The following MYH10 variants were observed in gnomAD, a reference collection of about 807,000 sequenced individuals.
MYH10 encodes the protein myosin-10.
MYH10 carries 55 observed loss-of-function variants against 257.8 expected under a neutral mutation model. The observed-to-expected ratio is 0.21, with a 90% CI of 0.17 to 0.27. The LOEUF (loss-of-function observed/expected upper bound fraction) is 0.27. MYH10 is among the 10% of genes least tolerant of loss of function. MYH10 has a pLI of 1.00. For synonymous variants in MYH10, 854 were observed against 921.7 expected, an observed-to-expected ratio of 0.93 and a Z score of 1.33; for missense variants, 1,631 against 2,500.6, an observed-to-expected ratio of 0.65 and a Z score of 7.42.
rs1471840391 is a variant in MYH10, at chr17:8,521,123, A to C, written c.2120T>G (p.Val707Gly). ...ATLRNTNPNF[V>G]RCIIPNHEKR... is the part of the protein sequence containing the mutation. Reference sequence around the variant, plus strand: ...CTCGTGATTTGGAATGATACAACGAACAAAGTTAGGGTTGGTGTTTCGGAG... The same window carrying C: ...CTCGTGATTTGGAATGATACAACGACCAAAGTTAGGGTTGGTGTTTCGGAG... The change falls in exon 18 of 43, where the codon GTT becomes GGT. Residue 707 changes from valine (V) to glycine (G), a missense_variant. Val to Gly is a moderately radical substitution (Grantham distance 109). This residue lies in a region of MYH10 where 96 missense variants were observed against 146.2 expected (regional missense o/e 0.66). Transcript: ENST00000360416. 1 of 1,614,256 alleles carries C rather than the reference A, an allele frequency of 6.2e-7. No individual in the cohort carries two copies. The highest frequency in any genetic ancestry group is 1.1e-5 in the South Asian group (1 of 91,086).
rs375050384 is a variant in MYH10, at chr17:8,487,487, G to A, written c.4992C>T (p.Ile1664=). 7 of 1,614,080 alleles carry A rather than the reference G, an allele frequency of 4.3e-6. No individual in the cohort carries two copies. Among genetic ancestry groups the A allele is most frequent in the African/African-American group, 2.7e-5 (2 of 74,918 alleles). Residue 1664 remains isoleucine, a synonymous_variant, in exon 36 of 43, where the codon ATC becomes ATT. Coordinates refer to ENST00000360416, the MANE Select transcript of MYH10 (RefSeq NM_001256012.3). The part of the protein sequence containing the change: ...EIDLKDLEAQ[I]EAANKARDEV... ...CATCCCGAGCTTTGTTCGCAGCCTC[G>A]ATTTGGGCTTCGAGGTCCTTCAGGT...
chr17:8,510,572 T>C (rs2081235987), intron 24 of MYH10, among the ~76,000 whole-genome samples: 1 of 152,196 alleles, frequency 6.6e-6, no homozygotes, highest in Non-Finnish European at 1.5e-5. Flanking sequence ...CAAAAAGGTC[T>C]TGGTAATTAA....
chr17:8,505,356 C>T (rs566016084), intron 27 of MYH10, among the ~76,000 whole-genome samples: 6 of 152,316 alleles, frequency 3.9e-5, no homozygotes, highest in African/African-American at 1.2e-4. Context: ...AGGCTCTCAT[C>T]CTCATACCCT....
At chr17:8,524,042 T>C (rs1016068958) in intron 17 of MYH10, among the ~76,000 whole-genome samples, 34 of 151,894 alleles carry the variant, frequency 2.2e-4, no homozygotes, top group African/African-American at 7.0e-4. Context: ...AGGTTGGAAC[T>C]AGAAAGGTAA....
intron 3 of MYH10, among the ~76,000 whole-genome samples, chr17:8,591,998 T>C (rs185135841): frequency 2.5e-4 from 38 of 152,324 alleles, no homozygotes; most frequent in Non-Finnish European, 5.6e-4. Context: ...CAGTTTCCAA[T>C]GATCTTTATA....
intron 7 of MYH10, among the ~76,000 whole-genome samples, chr17:8,562,629 GA>G (rs1364921277): frequency 3.3e-5 from 5 of 152,090 alleles, no homozygotes; most frequent in African/African-American, 1.2e-4. Context: ...CAAAAGCATG[GA>G]AAACCCCCAA....
Position 8,622,888 on chromosome 17 carries a change from GAAGA to G in MYH10, c.345+10_345+13del. 6.2e-7 allele frequency: 1 copy of G among 1,608,790 alleles called. No homozygotes were observed. Among genetic ancestry groups the G allele is most frequent in the Non-Finnish European group, 8.5e-7 (1 of 1,178,018 alleles). On this transcript the variant is annotated intron_variant, in intron 2 of 42. Transcript: ENST00000360416. ...AGCTACCACTTCACATGATTATTTG[GAAGA>G]AATACTTACATAGATTAGTCCTGAA...
chr17:8,481,287 G>A, intron 38 of MYH10, 35 bp downstream of exon 38: 4 of 1,603,728 alleles, frequency 2.5e-6, no homozygotes, highest in Non-Finnish European at 3.4e-6. Context: ...CGTGCCTGAG[G>A]GCGAAGAACC....
intron 17 of MYH10, among the ~76,000 whole-genome samples, chr17:8,529,172 TG>T (rs1208542812): frequency 6.6e-6 from 1 of 152,072 alleles, no homozygotes; most frequent in Non-Finnish European, 1.5e-5. Flanking sequence ...GTGGTCACAG[TG>T]GGAATGGAAG....
chr17:8,480,034 G>A (rs949961751), intron 40 of MYH10, 76 bp downstream of exon 40: 19 of 1,374,442 alleles, frequency 1.4e-5, no homozygotes, highest in South Asian at 5.1e-5. Context: ...GAGCCCCCCC[G>A]AAAGGGGCAT....
intron 40 of MYH10, among the ~76,000 whole-genome samples, chr17:8,479,240 A>C (rs9674508): frequency 7.2e-6 from 1 of 139,640 alleles, no homozygotes; most frequent in African/African-American, 2.6e-5. Flanking sequence ...TTGAAAAAAA[A>C]CCCAAAAACA....
At chr17:8,609,153 A>T (rs573458473) in intron 2 of MYH10, among the ~76,000 whole-genome samples, 7 of 152,354 alleles carry the variant, frequency 4.6e-5, no homozygotes, top group Admixed American at 1.3e-4. Context: ...GCCTCTGTTT[A>T]AGAAAGCAGG....
At chr17:8,551,980 T>C in intron 9 of MYH10, 66 bp downstream of exon 9, 5 of 945,938 alleles carry the variant, frequency 5.3e-6, no homozygotes, top group Middle Eastern at 2.7e-4. Flanking sequence ...AAATTGTTTT[T>C]TCTCAAAAAA....
intron 32 of MYH10, 67 bp downstream of exon 32, chr17:8,493,666 C>G (rs1916115394): frequency 1.3e-6 from 2 of 1,520,734 alleles, no homozygotes; most frequent in Admixed American, 2.1e-5. Flanking sequence ...CAGCCCAGCA[C>G]AGCAGGGCCA....
At chr17:8,519,490 T>C (rs1400610526) in intron 19 of MYH10, among the ~76,000 whole-genome samples, 1 of 151,906 alleles carries the variant, frequency 6.6e-6, no homozygotes, top group East Asian at 1.9e-4. Context: ...CTGTATACAG[T>C]CTATACCTCA....
chr17:8,512,050 T>C (rs2081313573), intron 24 of MYH10, among the ~76,000 whole-genome samples: 1 of 152,244 alleles, frequency 6.6e-6, no homozygotes, highest in Non-Finnish European at 1.5e-5. Context: ...CCACCTCCTA[T>C]GTCAGTGCTG....
At chr17:8,576,019 T>C (rs897983246) in intron 6 of MYH10, among the ~76,000 whole-genome samples, 1 of 152,236 alleles carries the variant, frequency 6.6e-6, no homozygotes, top group Admixed American at 6.5e-5. Context: ...TCTTGCTCCG[T>C]TGCCCAGGCT....
chr17:8,547,781 ATAT>A (rs905687943), intron 11 of MYH10, among the ~76,000 whole-genome samples: 6 of 147,362 alleles, frequency 4.1e-5, no homozygotes, highest in South Asian at 2.1e-4. Flanking sequence ...CTTTATATCC[ATAT>A]TATATTTATA....
intron 36 of MYH10, among the ~76,000 whole-genome samples, chr17:8,487,193 C>T (rs1914968919): frequency 6.6e-6 from 1 of 152,238 alleles, no homozygotes; most frequent in Non-Finnish European, 1.5e-5. Flanking sequence ...AGCATCGCCA[C>T]AGGCTCTCAG....
Sources: allele counts gnomAD v4.1 joint callset (sites outside exome capture counted in the v4.1 genomes callset), GRCh38; gene constraint gnomAD v4.1.1; regional missense constraint gnomAD v4.1.1; transcripts MANE v1.5; gene names NCBI Gene and HGNC (gene_info 2026-07-23, HGNC 2026-07-21).